Variants in EHHADH observed in about 807,000 individuals in gnomAD.
EHHADH encodes peroxisomal bifunctional enzyme.
EHHADH carries 48 observed loss-of-function variants against 64.4 expected under a neutral mutation model. The observed-to-expected ratio is 0.75, with a 90% CI of 0.59 to 0.95. EHHADH has a LOEUF of 0.95. EHHADH is among the 40% of genes least tolerant of loss of function. The pLI is 0.00. For missense variants in EHHADH, 854 were observed against 876.6 expected, an observed-to-expected ratio of 0.97 and a Z score of 0.33; for synonymous variants, 308 against 326.7, an observed-to-expected ratio of 0.94 and a Z score of 0.62.
rs1053619517 is a variant in EHHADH, at chr3:185,204,364, C to G, written c.910+52G>C. The G allele has an allele frequency of 4.7e-6, 7 of 1,498,536 alleles. 1 individual carries two copies. In the East Asian group the frequency reaches 1.6e-4, roughly 34 times the overall value. 92.8% of individuals were successfully genotyped at this position (1,498,536 alleles called of 1,614,324 possible). ...TCCGGTAGCCCTAAGCAAATGGTAG[C>G]ACATTACATGAGCAGATTTGGAGGA... On this transcript the variant is annotated intron_variant, in intron 6 of 6. Transcript: ENST00000231887.
chr3:185,218,329 G>C lies in EHHADH; in HGVS notation c.464-89C>G, dbSNP rs1168753634. ...ATTACTCTCTCTAGTAGGAAAGGCTGTCTGTCTGGATATAAATATCTATTA... is the reference window on the plus strand; with the variant it reads ...ATTACTCTCTCTAGTAGGAAAGGCTCTCTGTCTGGATATAAATATCTATTA... On this transcript the variant is annotated intron_variant, in intron 4 of 6. Transcript: ENST00000231887. 7.5e-6 allele frequency: 6 copies of C among 798,202 alleles called. No homozygotes were observed. The East Asian group carries it at 8.2e-5, about 11-fold the overall frequency. The allele number at this position is 798,202 out of a possible 1,614,324, so 49.4% of individuals were successfully genotyped here.
chr3:185,229,001 C>T (rs1458208091), intron 4 of EHHADH, among the ~76,000 whole-genome samples: 1 of 152,024 alleles, frequency 6.6e-6, no homozygotes, highest in Non-Finnish European at 1.5e-5. Flanking sequence ...GATGGGGTTT[C>T]ACCATGCTGG....
intron 3 of EHHADH, among the ~76,000 whole-genome samples, chr3:185,234,404 T>C (rs1391720949): frequency 6.6e-6 from 1 of 152,216 alleles, no homozygotes; most frequent in Admixed American, 6.5e-5. Flanking sequence ...ACATATTTAA[T>C]ACTCATACTG....
Position 185,204,561 on chromosome 3 carries a change from C to G in EHHADH, c.765G>C (p.Leu255=). ...GCCCTGATTGCAAAAGATATAGAAA[C>G]AGCTCCTCCTCCTTCTTGATGCCCA... is the stretch of plus-strand genomic sequence containing the variant. ...YEVGIKKEEE[L]FLYLLQSGQA... is the part of the protein sequence containing the mutation. The change falls in exon 6 of 7, where the codon CTG becomes CTC. Residue 255 remains leucine, a synonymous_variant. Coordinates refer to ENST00000231887, the MANE Select transcript of EHHADH (RefSeq NM_001966.4). The G allele has an allele frequency of 6.2e-7, 1 of 1,614,220 alleles. No individual in the cohort carries two copies. Among genetic ancestry groups the G allele is most frequent in the Non-Finnish European group, 8.5e-7 (1 of 1,180,028 alleles).
chr3:185,205,601 A>G (rs1003031315), intron 5 of EHHADH, among the ~76,000 whole-genome samples: 1 of 152,146 alleles, frequency 6.6e-6, no homozygotes. Flanking sequence ...TCACATTCAG[A>G]ATTTTTATTT....
At chr3:185,194,873 A>C (rs1718019273) in intron 6 of EHHADH, among the ~76,000 whole-genome samples, 1 of 148,878 alleles carries the variant, frequency 6.7e-6, no homozygotes, top group Non-Finnish European at 1.5e-5. Flanking sequence ...GGTCATTGCA[A>C]AAGGATAGAC....
At chr3:185,234,773 T>TAGC (rs1719242159) in intron 3 of EHHADH, among the ~76,000 whole-genome samples, 2 of 152,106 alleles carry the variant, frequency 1.3e-5, no homozygotes, top group Admixed American at 1.3e-4. Flanking sequence ...GGGCTCAGAG[T>TAGC]AGCAGGTGTT....
At chr3:185,205,482 T>C (rs942483676) in intron 5 of EHHADH, among the ~76,000 whole-genome samples, 2 of 152,180 alleles carry the variant, frequency 1.3e-5, no homozygotes, top group Admixed American at 1.3e-4. Flanking sequence ...GGTATATATA[T>C]CAATGGAAGA....
At chr3:185,204,871 T>A in intron 5 of EHHADH, 114 bp from the exon 6 acceptor site, 1 of 807,288 alleles carries the variant, frequency 1.2e-6, no homozygotes, top group South Asian at 1.9e-5. Flanking sequence ...TAAAAGCTAT[T>A]CATTAAGACA....
intron 6 of EHHADH, among the ~76,000 whole-genome samples, chr3:185,197,280 C>A (rs532365335): frequency 6.6e-6 from 1 of 152,272 alleles, no homozygotes; most frequent in South Asian, 2.1e-4. Context: ...GCTTACTATG[C>A]ATTTTCTGAT....
chr3:185,206,756 A>G (rs1217191081), intron 5 of EHHADH, among the ~76,000 whole-genome samples: 1 of 151,906 alleles, frequency 6.6e-6, no homozygotes, highest in Non-Finnish European at 1.5e-5. Context: ...AGAACCTGAG[A>G]GGTGGAGGTT....
In EHHADH at chr3:185,204,429, TGAG is replaced by T; in HGVS notation, c.894_896del (p.Ser299del). ...CCATGGTCTTACCAACAACACCAAC[TGAG>T]GAGACAGGCCGCGCTGATGCTGTTT... On this transcript the variant is annotated inframe_deletion, in exon 6 of 7. Coordinates refer to ENST00000231887, the MANE Select transcript of EHHADH (RefSeq NM_001966.4). The T allele has an allele frequency of 6.2e-7, 1 of 1,605,668 alleles. No individual in the cohort carries two copies. Among genetic ancestry groups the T allele is most frequent in the Non-Finnish European group, 8.5e-7 (1 of 1,175,808 alleles).
At chr3:185,236,730 CGT>C (rs1560019631) in intron 2 of EHHADH, among the ~76,000 whole-genome samples, 3 of 151,922 alleles carry the variant, frequency 2.0e-5, no homozygotes, top group Admixed American at 6.6e-5. Flanking sequence ...TGTTTTGTTT[CGT>C]GTTTTCAATT....
chr3:185,218,168 T>C lies in EHHADH; in HGVS notation c.536A>G (p.Glu179Gly), dbSNP rs1267361802. The change falls in exon 5 of 7, where the codon GAA becomes GGA. Residue 179 changes from glutamate (E) to glycine (G), a missense_variant. Glu to Gly is a moderately conservative substitution (Grantham distance 98). Transcript: ENST00000231887. ...LDKVVNSDPV[E>G]EAIRFAQRVS... The stretch of plus-strand genomic sequence containing the variant: ...TCTCTGAGCAAATCTGATTGCTTCT[T>C]CAACCGGGTCTGAGTTTACAACTTT... The C allele has an allele frequency of 4.9e-5, 78 of 1,607,712 alleles. No individual in the cohort carries two copies. The highest frequency in any genetic ancestry group is 6.4e-5 in the Non-Finnish European group (75 of 1,177,778).
intron 1 of EHHADH, among the ~76,000 whole-genome samples, chr3:185,252,290 C>T (rs531912837): frequency 6.8e-4 from 103 of 152,178 alleles, no homozygotes; most frequent in Non-Finnish European, 1.3e-3. Context: ...GTCCCAGCTA[C>T]TCGGGAGGCT....
intron 1 of EHHADH, among the ~76,000 whole-genome samples, chr3:185,252,947 T>C (rs1719788630): frequency 1.3e-5 from 2 of 152,072 alleles, no homozygotes; most frequent in Admixed American, 1.3e-4. Flanking sequence ...TTTTAAGAGA[T>C]GTAGAAGGAC....
At chr3:185,222,366 G>A (rs1288492729) in intron 4 of EHHADH, among the ~76,000 whole-genome samples, 1 of 152,112 alleles carries the variant, frequency 6.6e-6, no homozygotes, top group Non-Finnish European at 1.5e-5. Context: ...CTGGGTGACA[G>A]TGGGAGATAC....
intron 4 of EHHADH, among the ~76,000 whole-genome samples, chr3:185,224,682 C>A (rs1039418783): frequency 2.6e-5 from 4 of 152,220 alleles, no homozygotes; most frequent in East Asian, 1.9e-4. Flanking sequence ...TGTCAAAAGT[C>A]TAAAACAGGT....
At chr3:185,213,817 T>G (rs1718612171) in intron 5 of EHHADH, among the ~76,000 whole-genome samples, 2 of 150,562 alleles carry the variant, frequency 1.3e-5, no homozygotes, top group South Asian at 2.1e-4. Context: ...GAAGAGGAGA[T>G]TGCAGTGAGC....
Sources: allele counts gnomAD v4.1 joint callset (sites outside exome capture counted in the v4.1 genomes callset), GRCh38; gene constraint gnomAD v4.1.1; transcripts MANE v1.5; gene names NCBI Gene and HGNC (gene_info 2026-07-23, HGNC 2026-07-21).